TMEM67: variants seen among roughly 807,000 people sequenced by gnomAD.
The protein encoded by TMEM67 is meckelin.
Under a neutral mutation model 136.6 loss-of-function variants are expected in TMEM67, and 124 were observed. The observed-to-expected ratio is 0.91, with a 90% confidence interval of 0.78 to 1.05. The LOEUF (loss-of-function observed/expected upper bound fraction) is 1.05. TMEM67 is among the 50% of genes least tolerant of loss of function. TMEM67 has a pLI of 0.00. For synonymous variants in TMEM67, 364 were observed against 390.5 expected (o/e 0.93, Z 0.80); for missense variants, 1,107 against 1,178.4 (o/e 0.94, Z 0.89).
chr8:93,776,008 TTG>T lies in TMEM67; in HGVS notation c.714+3361_714+3362del, dbSNP rs529293525. On this transcript the variant is annotated intron_variant, in intron 7 of 27. Coordinates refer to ENST00000453321, the MANE Select transcript of TMEM67 (RefSeq NM_153704.6). ...GAGCATGGAGTGTACTTCCATTTGTTTGTGTCCTCCTTTATTTCATTGAGCAG... is the reference window on the plus strand; with the variant it reads ...GAGCATGGAGTGTACTTCCATTTGTTTGTCCTCCTTTATTTCATTGAGCAG... Among the ~76,000 whole-genome samples, 501 of 152,350 alleles carry T rather than the reference TTG, an allele frequency of 3.3e-3. 4 individuals carry two copies. The highest frequency in any genetic ancestry group is 0.012 in the African/African-American group (488 of 41,584).
At chr8:93,829,337 A>G in the TMEM67 span, among the ~76,000 whole-genome samples, 1 of 151,748 alleles carries the variant, frequency 6.6e-6, no homozygotes. Context: ...CTTTCCTCAA[A>G]ATCAGGAGAT....
Position 93,780,864 on chromosome 8 carries a change from C to A in TMEM67, c.870-10C>A. 6.2e-7 allele frequency: 1 copy of A among 1,605,794 alleles called. No homozygotes were observed. The highest frequency in any genetic ancestry group is 8.5e-7 in the Non-Finnish European group (1 of 1,174,212). Reference sequence around the variant, plus strand: ...TTCTCCATTATTAAAACAGTTGTAACTGTTTATAGGAGACAGAATCTTCCT... The same window carrying A: ...TTCTCCATTATTAAAACAGTTGTAAATGTTTATAGGAGACAGAATCTTCCT... On this transcript the variant is annotated splice_polypyrimidine_tract_variant and intron_variant, in intron 8 of 27. Transcript: ENST00000453321.
intron 27 of TMEM67, among the ~76,000 whole-genome samples, chr8:93,816,124 G>T (rs1586102920): frequency 6.6e-6 from 1 of 152,246 alleles, no homozygotes; most frequent in Middle Eastern, 3.4e-3. Flanking sequence ...ATTTTAAAGT[G>T]TATTTCTGTG....
chr8:93,768,791 T>TC (rs1813197113), intron 6 of TMEM67, among the ~76,000 whole-genome samples: 1 of 151,906 alleles, frequency 6.6e-6, no homozygotes, highest in Non-Finnish European at 1.5e-5. Context: ...TCCAACCCCC[T>TC]CACTTTCTAT....
At chr8:93,813,063 CCTT>C (rs1808763057) in intron 26 of TMEM67, among the ~76,000 whole-genome samples, 1 of 151,900 alleles carries the variant, frequency 6.6e-6, no homozygotes, top group Non-Finnish European at 1.5e-5. Flanking sequence ...ACAATCATCA[CCTT>C]CTTTCTTCCT....
chr8:93,806,196 T>C (rs1410030631), intron 23 of TMEM67, among the ~76,000 whole-genome samples: 3 of 152,168 alleles, frequency 2.0e-5, no homozygotes, highest in African/African-American at 4.8e-5. Flanking sequence ...GTACGAACTA[T>C]TACATTATAA....
chr8:93,819,229 T>C (rs1439766600), downstream of TMEM67: 1 of 432,538 alleles, frequency 2.3e-6, no homozygotes, highest in Non-Finnish European at 4.5e-6. Context: ...TAATATGATA[T>C]TAAAACTCAG....
chr8:93,808,188 C>T (rs540828219), intron 23 of TMEM67, among the ~76,000 whole-genome samples: 1 of 148,164 alleles, frequency 6.7e-6, no homozygotes, highest in South Asian at 2.1e-4. Context: ...TTACTCTGTT[C>T]TACTTAAATA....
At chr8:93,759,934 C>T in intron 3 of TMEM67, 1 of 1,534,464 alleles carries the variant, frequency 6.5e-7, no homozygotes. Context: ...AGGCTTGAGC[C>T]ACCGCACCTG....
intron 15 of TMEM67, chr8:93,791,868 A>AT (rs761223827): frequency 5.7e-4 from 85 of 149,108 alleles, no homozygotes; most frequent in East Asian, 1.4e-3. Context: ...TCCCCCTCTC[A>AT]TTTTTTTTTT....
downstream of TMEM67, among the ~76,000 whole-genome samples, chr8:93,818,645 G>A (rs1027806541): frequency 2.0e-5 from 3 of 152,148 alleles, no homozygotes; most frequent in African/African-American, 7.2e-5. Flanking sequence ...AGCAAAAGAA[G>A]CCCTGGATTC....
intron 26 of TMEM67, among the ~76,000 whole-genome samples, chr8:93,810,481 G>C (rs1808659853): frequency 6.6e-6 from 1 of 152,030 alleles, no homozygotes; most frequent in African/African-American, 2.4e-5. Flanking sequence ...TTGGGAGGCT[G>C]AGGCAGGAGA....
At chr8:93,800,126 G>A (rs537360892) in intron 21 of TMEM67, among the ~76,000 whole-genome samples, 37 of 152,034 alleles carry the variant, frequency 2.4e-4, no homozygotes, top group Non-Finnish European at 4.3e-4. Context: ...GGTCAGGCTG[G>A]TCTTGAACTC....
chr8:93,811,995 C>T (rs1808721084), intron 26 of TMEM67, among the ~76,000 whole-genome samples: 1 of 151,566 alleles, frequency 6.6e-6, no homozygotes, highest in South Asian at 2.1e-4. Flanking sequence ...ATTAAAAATA[C>T]AAAATTAGCC....
At chr8:93,795,539 C>T (rs751758624) in intron 17 of TMEM67, 32 bp downstream of exon 17, 6 of 1,502,850 alleles carry the variant, frequency 4.0e-6, no homozygotes, top group Non-Finnish European at 5.6e-6. Context: ...CCCCAACTGC[C>T]AATATCTGAA....
At chr8:93,814,174 C>T (rs1189641235) in intron 26 of TMEM67, among the ~76,000 whole-genome samples, 1 of 111,098 alleles carries the variant, frequency 9.0e-6, no homozygotes, top group Admixed American at 1.3e-4. Flanking sequence ...TAGTATTGCT[C>T]TGTTGCCCAG....
downstream of TMEM67, among the ~76,000 whole-genome samples, chr8:93,824,050 T>C (rs1340899850): frequency 1.3e-5 from 2 of 152,216 alleles, no homozygotes; most frequent in Non-Finnish European, 2.9e-5. Context: ...GTTATTCTGA[T>C]CTTGTTTTCA....
At chr8:93,826,813 T>C in the TMEM67 span, among the ~76,000 whole-genome samples, 1 of 152,142 alleles carries the variant, frequency 6.6e-6, no homozygotes, top group African/African-American at 2.4e-5. Context: ...TAGTTTTATA[T>C]ATTTTTATGT....
At chr8:93,779,799 G>A (rs185749049) in intron 7 of TMEM67, among the ~76,000 whole-genome samples, 1 of 152,316 alleles carries the variant, frequency 6.6e-6, no homozygotes, top group Non-Finnish European at 1.5e-5. Context: ...CCCCTACTGG[G>A]AGGTGTCTCC....
Sources: allele counts gnomAD v4.1 joint callset (sites outside exome capture counted in the v4.1 genomes callset), GRCh38; gene constraint gnomAD v4.1.1; transcripts MANE v1.5; gene names NCBI Gene and HGNC (gene_info 2026-07-23, HGNC 2026-07-21).